SERPINB12: variants seen among roughly 807,000 people sequenced by gnomAD.
The protein encoded by SERPINB12 is serpin family B member 12.
Under a neutral mutation model 41.1 loss-of-function variants are expected in SERPINB12, and 57 were observed. That is an observed-to-expected ratio of 1.39 (90% CI 1.12 to 1.73). The LOEUF is 1.73. Ranked by LOEUF, SERPINB12 falls within the 40% of genes most tolerant of loss-of-function variation. The pLI is 0.00. For missense variants in SERPINB12, 536 were observed against 501.9 expected (o/e 1.07, Z -0.65); for synonymous variants, 180 against 181.3 (o/e 0.99, Z 0.06).
chr18:63,524,154 T>C, the SERPINB12 span, among the ~76,000 whole-genome samples: 2 of 152,230 alleles, frequency 1.3e-5, no homozygotes, highest in African/African-American at 4.8e-5. Context: ...ATCAACACTT[T>C]AAGTAAATTT....
At chr18:63,557,558 G>A (rs1381820609) in intron 2 of SERPINB12, among the ~76,000 whole-genome samples, 1 of 152,122 alleles carries the variant, frequency 6.6e-6, no homozygotes, top group African/African-American at 2.4e-5. Flanking sequence ...ATGTGTTTCT[G>A]GGGTCATTCT....
chr18:63,522,610 G>T, the SERPINB12 span, among the ~76,000 whole-genome samples: 43 of 152,084 alleles, frequency 2.8e-4, no homozygotes, highest in African/African-American at 1.0e-3. Flanking sequence ...GCTTGATCTT[G>T]ATTAGCAGTT....
At chr18:63,563,910 AAAAATT>A (rs1271923992) in intron 5 of SERPINB12, 62 bp from the exon 6 acceptor site, 28 of 1,281,758 alleles carry the variant, frequency 2.2e-5, no homozygotes, top group Middle Eastern at 4.1e-4. Flanking sequence ...AAAAAAAAAA[AAAAATT>A]ATCTACACAA....
At chr18:63,543,600 T>TTA (rs1452282830) in intron 1 of SERPINB12, among the ~76,000 whole-genome samples, 5 of 75,192 alleles carry the variant, frequency 6.6e-5, no homozygotes, top group East Asian at 4.2e-4. Flanking sequence ...TTTTATTTAT[T>TTA]TTTTTTTTTA....
chr18:63,568,844 T>C lies in SERPINB12; in HGVS notation c.*1833T>C, dbSNP rs188568986. ...TGAGAGACAAGTTCCATGTTCTCCA[T>C]ACAACCTTCTCATTGTTGAAGCTCA... On this transcript the variant is annotated 3_prime_UTR_variant, in exon 8 of 8. Coordinates refer to ENST00000382768, the MANE Select transcript of SERPINB12 (RefSeq NM_001307928.2). Among the ~76,000 whole-genome samples the C allele has an allele frequency of 2.4e-4, 36 of 152,342 alleles. No individual in the cohort carries two copies. Among genetic ancestry groups the C allele is most frequent in the Admixed American group, 1.4e-3 (21 of 15,306 alleles).
rs900600648 is a variant in SERPINB12 at position 63,547,773 on chromosome 18, TA to T, written c.-19+5287del. ...AGTAAGTGAACTTTTTCTTATATAG[TA>T]AAAAATTAATAAAAAGCTGATTCTC... On this transcript the variant is annotated intron_variant, in intron 1 of 7. Transcript: ENST00000382768. Among the ~76,000 whole-genome samples, 472 of 152,206 alleles carry T rather than the reference TA, an allele frequency of 3.1e-3. 6 individuals carry two copies. Among genetic ancestry groups the T allele is most frequent in the African/African-American group, 0.011 (448 of 41,558 alleles).
chr18:63,533,204 C>T, the SERPINB12 span, among the ~76,000 whole-genome samples: 1 of 152,134 alleles, frequency 6.6e-6, no homozygotes, highest in South Asian at 2.1e-4. Flanking sequence ...TCTGGAACCC[C>T]TAACCTCGTG....
the SERPINB12 span, among the ~76,000 whole-genome samples, chr18:63,527,976 G>A: frequency 0.11 from 16,634 of 151,924 alleles, 1,095 homozygotes; most frequent in East Asian, 0.29. Context: ...GGTTTTATAC[G>A]GGGGGAGTTT....
the SERPINB12 span, among the ~76,000 whole-genome samples, chr18:63,522,730 A>T: frequency 6.6e-6 from 1 of 152,200 alleles, no homozygotes. Flanking sequence ...AATCTTTGCC[A>T]TGAATCTGAC....
chr18:63,545,367 A>G (rs1023602547), intron 1 of SERPINB12, among the ~76,000 whole-genome samples: 14 of 152,168 alleles, frequency 9.2e-5, no homozygotes, highest in African/African-American at 3.4e-4. Flanking sequence ...TTACATGTGT[A>G]AAGTACCAAA....
the SERPINB12 span, among the ~76,000 whole-genome samples, chr18:63,533,091 C>T: frequency 1.3e-5 from 2 of 152,110 alleles, no homozygotes; most frequent in African/African-American, 2.4e-5. Context: ...GATTCTCCTG[C>T]CTCATCCTCC....
chr18:63,547,673 T>C (rs59406982), intron 1 of SERPINB12, among the ~76,000 whole-genome samples: 3,636 of 152,218 alleles, frequency 0.024, 149 homozygotes, highest in African/African-American at 0.083. Flanking sequence ...TCTAAACCTT[T>C]ACATTTTTAC....
intron 3 of SERPINB12, among the ~76,000 whole-genome samples, chr18:63,559,011 T>TTTCTTTCTTTCC (rs1415910376): frequency 3.5e-5 from 2 of 56,440 alleles, no homozygotes; most frequent in Admixed American, 4.3e-4. Context: ...TCCTTCTTTC[T>TTTCTTTCTTTCC]TTCTTTCTTT....
intron 1 of SERPINB12, among the ~76,000 whole-genome samples, chr18:63,545,220 T>A (rs1413083293): frequency 1.3e-5 from 2 of 152,178 alleles, no homozygotes; most frequent in African/African-American, 4.8e-5. Context: ...ACTATTTTTT[T>A]TTTTTTTTAG....
At chr18:63,537,843 C>T (rs1910204085), upstream of SERPINB12, among the ~76,000 whole-genome samples, 1 of 152,094 alleles carries the variant, frequency 6.6e-6, no homozygotes, top group Non-Finnish European at 1.5e-5. Flanking sequence ...TAAGTCTTTG[C>T]ACTTGGAGAT....
At chr18:63,541,895 A>G (rs368129915), upstream of SERPINB12, among the ~76,000 whole-genome samples, 8 of 152,232 alleles carry the variant, frequency 5.3e-5, no homozygotes, top group East Asian at 9.6e-4. Flanking sequence ...AGTTGCAGTC[A>G]TGATAGAGTA....
chr18:63,521,307 T>C, the SERPINB12 span, among the ~76,000 whole-genome samples: 9 of 152,338 alleles, frequency 5.9e-5, no homozygotes, highest in African/African-American at 2.2e-4. Flanking sequence ...AAGATTTTGC[T>C]CTGAAAGCAT....
At chr18:63,533,277 C>T in the SERPINB12 span, among the ~76,000 whole-genome samples, 3 of 152,100 alleles carry the variant, frequency 2.0e-5, no homozygotes, top group Non-Finnish European at 4.4e-5. Flanking sequence ...CGCCCGGCCT[C>T]GTATTTCTTA....
At chr18:63,539,878 A>G (rs1382112209), upstream of SERPINB12, among the ~76,000 whole-genome samples, 2 of 152,140 alleles carry the variant, frequency 1.3e-5, no homozygotes, top group Non-Finnish European at 2.9e-5. Flanking sequence ...TCTTCTTTCT[A>G]AGTTTTTCAA....
Sources: allele counts gnomAD v4.1 joint callset (sites outside exome capture counted in the v4.1 genomes callset), GRCh38; gene constraint gnomAD v4.1.1; transcripts MANE v1.5; gene names NCBI Gene and HGNC (gene_info 2026-07-23, HGNC 2026-07-21).